Variants in DSCAM observed in about 807,000 individuals in gnomAD.
The protein encoded by DSCAM is DS cell adhesion molecule, also known as cell adhesion molecule DSCAM.
Under a neutral mutation model 217.7 loss-of-function variants are expected in DSCAM, and 47 were observed. The observed-to-expected ratio is 0.22, with a 90% CI of 0.17 to 0.28. DSCAM has a LOEUF of 0.28. Among genes scored for constraint, DSCAM ranks in the 10% least tolerant of loss-of-function variants. The probability of loss-of-function intolerance (pLI) is 1.00; values close to 1 mark genes in which losing one functional copy is unlikely to be tolerated. For missense variants in DSCAM, 2,080 were observed against 2,618.3 expected (o/e 0.79, Z 4.49); for synonymous variants, 1,056 against 1,015.3 (o/e 1.04, Z -0.76).
intron 8 of DSCAM, among the ~76,000 whole-genome samples, chr21:40,331,565 C>T (rs1191576275): frequency 1.3e-5 from 2 of 152,160 alleles, no homozygotes; most frequent in East Asian, 3.9e-4. Flanking sequence ...TCAAAATGTG[C>T]AGAACAGTGT....
chr21:40,590,202 G>T (rs1427283924), intron 3 of DSCAM, among the ~76,000 whole-genome samples: 1 of 152,202 alleles, frequency 6.6e-6, no homozygotes, highest in African/African-American at 2.4e-5. Flanking sequence ...CATATCCCAG[G>T]TCTGCGACTT....
intron 26 of DSCAM, 138 bp downstream of exon 26, chr21:40,078,549 T>G: frequency 1.8e-6 from 2 of 1,118,858 alleles, no homozygotes; most frequent in Non-Finnish European, 2.5e-6. Flanking sequence ...ACAGAGTCCA[T>G]TGAATCCCGA....
At chr21:40,840,768 C>G (rs1228035318) in intron 1 of DSCAM, among the ~76,000 whole-genome samples, 1 of 152,072 alleles carries the variant, frequency 6.6e-6, no homozygotes, top group African/African-American at 2.4e-5. Context: ...AGTCAGAATG[C>G]AAGATAGGGA....
chr21:40,788,142 C>T (rs2091609799), intron 1 of DSCAM, among the ~76,000 whole-genome samples: 1 of 152,172 alleles, frequency 6.6e-6, no homozygotes, highest in Non-Finnish European at 1.5e-5. Context: ...AAACTAAATG[C>T]ATTTAGTTCT....
intron 3 of DSCAM, among the ~76,000 whole-genome samples, chr21:40,380,071 A>G (rs138017017): frequency 8.5e-5 from 13 of 152,350 alleles, no homozygotes; most frequent in Admixed American, 7.8e-4. Context: ...AAGCAATTTC[A>G]CTAAGACATT....
intron 1 of DSCAM, among the ~76,000 whole-genome samples, chr21:40,841,450 A>G (rs2092100549): frequency 6.6e-6 from 1 of 152,208 alleles, no homozygotes; most frequent in Admixed American, 6.5e-5. Context: ...GAACATAAAT[A>G]TAGTTGGGGG....
chr21:40,826,538 G>A (rs528882631), intron 1 of DSCAM, among the ~76,000 whole-genome samples: 1 of 152,350 alleles, frequency 6.6e-6, no homozygotes, highest in South Asian at 2.1e-4. Context: ...TGAGTTGGCA[G>A]ATTATCATGA....
intron 16 of DSCAM, among the ~76,000 whole-genome samples, chr21:40,145,776 C>T (rs992815282): frequency 1.1e-4 from 17 of 151,906 alleles, no homozygotes; most frequent in African/African-American, 2.9e-4. Flanking sequence ...ACCCGGGAGG[C>T]GGAGGTTGCA....
chr21:40,076,561 T>G (rs1383605595), intron 26 of DSCAM, among the ~76,000 whole-genome samples: 1 of 152,222 alleles, frequency 6.6e-6, no homozygotes, highest in Non-Finnish European at 1.5e-5. Context: ...AATAAAGTGA[T>G]TTCATATTTC....
Position 40,693,027 on chromosome 21 carries a change from A to AT in DSCAM, c.362-72dup, listed in dbSNP as rs2090555096. ...CTCATTCTGAGAGTATCTCACTGTA[A>AT]TATATACACTGCAGCACACACACAT... On this transcript the variant is annotated intron_variant, in intron 2 of 32. Transcript: ENST00000400454. 1.0e-5 allele frequency: 16 copies of AT among 1,528,364 alleles called. No individual in the cohort carries two copies. The South Asian group carries it at 1.4e-4, about 14-fold the overall frequency. The allele number at this position is 1,528,364 out of a possible 1,614,324, so 94.7% of individuals were successfully genotyped here. A position where few individuals can be genotyped will look rare whatever the true frequency, so the allele number is the denominator to read the frequency against.
intron 19 of DSCAM, among the ~76,000 whole-genome samples, chr21:40,129,165 G>A (rs1208755114): frequency 6.6e-6 from 1 of 152,102 alleles, no homozygotes; most frequent in Non-Finnish European, 1.5e-5. Flanking sequence ...TACATATGTG[G>A]TACACCATGG....
intron 3 of DSCAM, among the ~76,000 whole-genome samples, chr21:40,376,115 T>C (rs1177245683): frequency 2.6e-5 from 4 of 152,174 alleles, no homozygotes; most frequent in Admixed American, 6.5e-5. Context: ...TATTGCAGTC[T>C]ATATGAATTG....
intron 8 of DSCAM, among the ~76,000 whole-genome samples, chr21:40,317,022 T>C (rs1030929281): frequency 6.6e-6 from 1 of 152,184 alleles, no homozygotes; most frequent in Admixed American, 6.5e-5. Flanking sequence ...TGCGATTCTA[T>C]CTCTTCATGT....
At chr21:40,039,985 G>C (rs2088714820) in intron 32 of DSCAM, among the ~76,000 whole-genome samples, 1 of 152,224 alleles carries the variant, frequency 6.6e-6, no homozygotes, top group South Asian at 2.1e-4. Flanking sequence ...TAAAAGCACA[G>C]CTCTAGGAGC....
chr21:40,347,600 T>G, intron 6 of DSCAM, 70 bp downstream of exon 6: 1 of 1,594,244 alleles, frequency 6.3e-7, no homozygotes, highest in Non-Finnish European at 8.6e-7. Flanking sequence ...CTTCACCCTG[T>G]CTTCTTCTTT....
chr21:40,743,294 C>T (rs917183937), intron 1 of DSCAM, among the ~76,000 whole-genome samples: 8 of 152,150 alleles, frequency 5.3e-5, no homozygotes, highest in Non-Finnish European at 1.2e-4. Flanking sequence ...AATAGACTCC[C>T]CATTCAATAC....
At chr21:40,101,626 A>T (rs541343861) in intron 20 of DSCAM, among the ~76,000 whole-genome samples, 1 of 152,172 alleles carries the variant, frequency 6.6e-6, no homozygotes, top group Admixed American at 6.5e-5. Context: ...TACCGATGTC[A>T]TGTAACAGGG....
At chr21:40,478,269 G>T (rs2039973022) in intron 3 of DSCAM, among the ~76,000 whole-genome samples, 1 of 152,234 alleles carries the variant, frequency 6.6e-6, no homozygotes, top group Admixed American at 6.5e-5. Context: ...ATAGTTTTTT[G>T]ATTGGAGCTA....
chr21:40,384,098 C>G (rs542042672), intron 3 of DSCAM: 9 of 152,398 alleles, frequency 5.9e-5, no homozygotes, highest in Admixed American at 3.3e-4. Context: ...AGAGGCACCC[C>G]CTGGAGGAGC....
Sources: allele counts gnomAD v4.1 joint callset (sites outside exome capture counted in the v4.1 genomes callset), GRCh38; gene constraint gnomAD v4.1.1; transcripts MANE v1.5; gene names NCBI Gene and HGNC (gene_info 2026-07-23, HGNC 2026-07-21).